DIPK2B: variants seen among roughly 807,000 people sequenced by gnomAD.
DIPK2B encodes divergent protein kinase domain 2B, also known as UPF0672 protein CXorf36.
DIPK2B carries 15 observed loss-of-function variants against 22.2 expected under a neutral mutation model. The observed-to-expected ratio is 0.68, with a 90% confidence interval of 0.45 to 1.04. DIPK2B has a LOEUF of 1.04. DIPK2B is among the 50% of genes least tolerant of loss of function. DIPK2B has a pLI of 0.00. For synonymous variants in DIPK2B, 163 were observed against 153.2 expected, an observed-to-expected ratio of 1.06 and a Z score of -0.47; for missense variants, 345 against 348.3, an observed-to-expected ratio of 0.99 and a Z score of 0.08.
At chrX:45,155,644 T>C (rs992255693) in intron 3 of DIPK2B, among the ~76,000 whole-genome samples, 1 of 108,838 alleles carries the variant, frequency 9.2e-6, no homozygotes, top group African/African-American at 3.4e-5. Context: ...AACTGGAACC[T>C]TCCAGACAGC....
At position 45,151,134 on chromosome X, in the gene DIPK2B, G is replaced by A. The variant is rs1021916570; in HGVS notation, c.*518C>T. 4.4e-5 allele frequency: 5 copies of A among 114,085 alleles called. No individual in the cohort carries two copies. The South Asian group carries it at 1.1e-3, about 25-fold the overall frequency. 9.4% of individuals were successfully genotyped at this position (114,085 alleles called of 1,213,427 possible). A position where few individuals can be genotyped will look rare whatever the true frequency, so the allele number is the denominator to read the frequency against. ...AGTGACGCAGGGCCATAGGGAGCAG[G>A]AAGGGGGCCCCTCTTGTCCGAGTCT... On this transcript the variant is annotated 3_prime_UTR_variant, in exon 5 of 5. Coordinates refer to ENST00000398000, the MANE Select transcript of DIPK2B (RefSeq NM_176819.4).
In DIPK2B at chrX:45,151,750, C is replaced by G; in HGVS notation, c.1204G>C (p.Ala402Pro). ...SIRPDPEVLG[A>P]ASQLKDILRP... The stretch of plus-strand genomic sequence containing the variant: ...AAGATGTCTTTCAGCTGGCTGGCGG[C>G]CCCAAGGACTTCTGGGTCTGGGCGG... Residue 402 changes from alanine (A) to proline (P), a missense_variant, in exon 5 of 5, where the codon GCC becomes CCC. By Grantham distance (27) the Ala-to-Pro change is conservative (BLOSUM62 -1). Transcript: ENST00000398000. The G allele has an allele frequency of 8.3e-7, 1 of 1,211,926 alleles. No individual in the cohort carries two copies. The highest frequency in any genetic ancestry group is 1.1e-6 in the Non-Finnish European group (1 of 895,489).
chrX:45,193,024 C>T (rs2047220682), intron 1 of DIPK2B, among the ~76,000 whole-genome samples: 1 of 112,466 alleles, frequency 8.9e-6, no homozygotes, highest in African/African-American at 3.2e-5. Context: ...GGTGATCCGC[C>T]CGCCTCTACC....
At chrX:45,185,860 G>A (rs765000888) in intron 2 of DIPK2B, among the ~76,000 whole-genome samples, 16 of 110,298 alleles carry the variant, frequency 1.5e-4, no homozygotes, top group African/African-American at 5.3e-4. Context: ...CACCATGTTA[G>A]CCAGGATGGT....
intron 1 of DIPK2B, among the ~76,000 whole-genome samples, chrX:45,198,855 TG>T (rs1031444638): frequency 7.1e-5 from 8 of 111,913 alleles, no homozygotes; most frequent in African/African-American, 2.3e-4. Context: ...CGCATAGTGT[TG>T]GTCAACAGGA....
In DIPK2B at chrX:45,150,562, A is replaced by C. The variant is rs1186236152; in HGVS notation, c.*1090T>G. The C allele has an allele frequency of 9.0e-6, 1 of 110,598 alleles. No homozygotes were observed. Among genetic ancestry groups the C allele is most frequent in the Non-Finnish European group, 1.9e-5 (1 of 53,052 alleles). 9.1% of individuals were successfully genotyped at this position (110,598 alleles called of 1,213,427 possible). A position where few individuals can be genotyped will look rare whatever the true frequency, so the allele number is the denominator to read the frequency against. On this transcript the variant is annotated 3_prime_UTR_variant, in exon 5 of 5. Transcript: ENST00000398000. ...TACAACAAGAATGTTCTCCCACTCA[A>C]GATCTCCTGCTCTAGGGAGCGGGGC...
At chrX:45,156,415 C>A (rs141128299) in intron 3 of DIPK2B, among the ~76,000 whole-genome samples, 1 of 112,273 alleles carries the variant, frequency 8.9e-6, no homozygotes, top group Non-Finnish European at 1.9e-5. Flanking sequence ...CAGCCCCATG[C>A]TCTCATCCCA....
chrX:45,164,272 TA>T (rs1311930699), intron 2 of DIPK2B: 6 of 1,186,729 alleles, frequency 5.1e-6, no homozygotes, highest in Admixed American at 2.3e-5. Context: ...AATGATTGAT[TA>T]AAAAAAGGCT....
intron 2 of DIPK2B, among the ~76,000 whole-genome samples, chrX:45,167,425 G>A (rs2047054521): frequency 9.7e-6 from 1 of 103,444 alleles, no homozygotes; most frequent in Admixed American, 1.1e-4. Flanking sequence ...CTGGGAGGTT[G>A]AGGCTGCGCT....
intron 2 of DIPK2B, among the ~76,000 whole-genome samples, chrX:45,177,376 T>C (rs2047124514): frequency 9.0e-6 from 1 of 110,518 alleles, no homozygotes; most frequent in Non-Finnish European, 1.9e-5. Context: ...GGGAGGTGTT[T>C]GGGTCATGGA....
rs756287370 is a variant in DIPK2B at position 45,154,317 on chromosome X, A to G, written c.673-119T>C. The stretch of plus-strand genomic sequence containing the variant: ...TATCTATCTATCTATCTATCTATCT[A>G]TCTGTCTATCTATATCAATCATCTA... On this transcript the variant is annotated intron_variant, in intron 3 of 4. Coordinates refer to ENST00000398000, the MANE Select transcript of DIPK2B (RefSeq NM_176819.4). The G allele has an allele frequency of 4.8e-4, 240 of 503,533 alleles. 1 individual carries two copies. Among genetic ancestry groups the G allele is most frequent in the East Asian group, 3.7e-3 (91 of 24,520 alleles). The allele number at this position is 503,533 out of a possible 1,213,427, so 41.5% of individuals were successfully genotyped here. A position where few individuals can be genotyped will look rare whatever the true frequency, so the allele number is the denominator to read the frequency against.
chrX:45,160,840 G>A (rs1358853455), intron 2 of DIPK2B, among the ~76,000 whole-genome samples: 4 of 112,068 alleles, frequency 3.6e-5, no homozygotes, highest in African/African-American at 9.7e-5. Context: ...ATACATTTTA[G>A]GAAAGTGATT....
intron 2 of DIPK2B, among the ~76,000 whole-genome samples, chrX:45,166,544 C>A (rs777157342): frequency 9.0e-6 from 1 of 111,333 alleles, no homozygotes; most frequent in Non-Finnish European, 1.9e-5. Context: ...TGTGCGCGAA[C>A]CTTGTCATAG....
chrX:45,195,176 C>G (rs1419842971), intron 1 of DIPK2B, among the ~76,000 whole-genome samples: 5 of 112,520 alleles, frequency 4.4e-5, no homozygotes, highest in African/African-American at 1.6e-4. Flanking sequence ...GAGAAAATGT[C>G]AGTGCTTTTT....
chrX:45,200,463 C>T, intron 1 of DIPK2B, 131 bp downstream of exon 1: 1 of 656,785 alleles, frequency 1.5e-6, no homozygotes, highest in Non-Finnish European at 2.3e-6. Flanking sequence ...ACCATTACCA[C>T]TCTGATTAAA....
intron 2 of DIPK2B, among the ~76,000 whole-genome samples, chrX:45,176,663 G>GTATT (rs1317287783): frequency 3.6e-5 from 4 of 111,834 alleles, no homozygotes; most frequent in African/African-American, 1.3e-4. Flanking sequence ...AGGGAAATCA[G>GTATT]TATTTGCCCC....
chrX:45,164,139 A>G, intron 2 of DIPK2B: 1 of 1,147,255 alleles, frequency 8.7e-7, no homozygotes, highest in Non-Finnish European at 1.2e-6. Context: ...AGTTGGGAGA[A>G]GGCTAACACT....
In DIPK2B at chrX:45,151,383, G is replaced by T; in HGVS notation, c.*269C>A. ...CTTCTTTCACCCTCAGGAGAGTCTG[G>T]TGGAGAACAGAGGAAACTGAGGCTC... On this transcript the variant is annotated 3_prime_UTR_variant, in exon 5 of 5. Coordinates refer to ENST00000398000, the MANE Select transcript of DIPK2B (RefSeq NM_176819.4). The T allele has an allele frequency of 2.6e-6, 1 of 385,188 alleles. No individual in the cohort carries two copies. Among genetic ancestry groups the T allele is most frequent in the South Asian group, 4.5e-5 (1 of 22,077 alleles). The allele number at this position is 385,188 out of a possible 1,213,427, so 31.7% of individuals were successfully genotyped here.
chrX:45,174,882 A>G (rs2148342435), intron 2 of DIPK2B, among the ~76,000 whole-genome samples: 1 of 112,080 alleles, frequency 8.9e-6, no homozygotes, highest in Non-Finnish European at 1.9e-5. Context: ...TCAATATGGC[A>G]ATATGTATTC....
Sources: allele counts gnomAD v4.1 joint callset (sites outside exome capture counted in the v4.1 genomes callset), GRCh38; gene constraint gnomAD v4.1.1; transcripts MANE v1.5; gene names NCBI Gene and HGNC (gene_info 2026-07-23, HGNC 2026-07-21).